TOX: variants seen among roughly 807,000 people sequenced by gnomAD.
TOX encodes thymocyte selection associated high mobility group box.
Under a neutral mutation model 53.7 loss-of-function variants are expected in TOX, and 11 were observed. The ratio of observed to expected loss-of-function variants is 0.20; its 90% CI spans 0.13 to 0.34. TOX has a LOEUF of 0.34. Among genes scored for constraint, TOX ranks in the 10% least tolerant of loss-of-function variants. The pLI, the probability that TOX is intolerant of heterozygous loss-of-function variation, is 1.00. For synonymous variants in TOX, 225 were observed against 245.3 expected, an observed-to-expected ratio of 0.92 and a Z score of 0.77; for missense variants, 570 against 664.6, an observed-to-expected ratio of 0.86 and a Z score of 1.56.
At chr8:58,940,629 G>C (rs918317664) in intron 2 of TOX, among the ~76,000 whole-genome samples, 1 of 152,164 alleles carries the variant, frequency 6.6e-6, no homozygotes, top group Non-Finnish European at 1.5e-5. Flanking sequence ...CATAGTGTTT[G>C]GGTGTATGGG....
At chr8:59,045,856 C>T (rs902509423) in intron 1 of TOX, among the ~76,000 whole-genome samples, 1 of 152,162 alleles carries the variant, frequency 6.6e-6, no homozygotes, top group Non-Finnish European at 1.5e-5. Flanking sequence ...TGGAATGAGG[C>T]CAAAATATTT....
chr8:59,002,925 T>C (rs993257230), intron 1 of TOX, among the ~76,000 whole-genome samples: 2 of 152,216 alleles, frequency 1.3e-5, no homozygotes, highest in South Asian at 2.1e-4. Context: ...AAGGGGTATA[T>C]AGATGCTTAT....
chr8:59,111,696 G>C (rs545496636), intron 1 of TOX, among the ~76,000 whole-genome samples: 1 of 152,272 alleles, frequency 6.6e-6, no homozygotes, highest in East Asian at 1.9e-4. Flanking sequence ...CCAAAAGCTA[G>C]TATCATCACT....
chr8:58,896,082 A>G (rs1811639753), intron 3 of TOX, among the ~76,000 whole-genome samples: 1 of 152,190 alleles, frequency 6.6e-6, no homozygotes, highest in African/African-American at 2.4e-5. Flanking sequence ...AGTAAGATTC[A>G]AGTGTTCACA....
chr8:58,966,681 G>A (rs182579681), intron 1 of TOX, among the ~76,000 whole-genome samples: 2 of 151,998 alleles, frequency 1.3e-5, no homozygotes, highest in South Asian at 2.1e-4. Flanking sequence ...TGTGAAAACT[G>A]AAATTTTCAA....
At chr8:58,906,672 G>A (rs1811820233) in intron 3 of TOX, among the ~76,000 whole-genome samples, 1 of 152,128 alleles carries the variant, frequency 6.6e-6, no homozygotes, top group African/African-American at 2.4e-5. Flanking sequence ...GTCCTAAAAT[G>A]GATCTAATTA....
chr8:59,018,929 A>T (rs546287950), intron 1 of TOX, among the ~76,000 whole-genome samples: 1 of 152,302 alleles, frequency 6.6e-6, no homozygotes, highest in South Asian at 2.1e-4. Context: ...GTTGATTCTC[A>T]ATGATTTAAC....
At chr8:58,882,926 G>A (rs1811407699) in intron 3 of TOX, among the ~76,000 whole-genome samples, 1 of 152,180 alleles carries the variant, frequency 6.6e-6, no homozygotes, top group Admixed American at 6.5e-5. Context: ...ACCCTAATTG[G>A]AAATTCCACT....
At chr8:59,063,657 C>G (rs1804033184) in intron 1 of TOX, among the ~76,000 whole-genome samples, 1 of 151,996 alleles carries the variant, frequency 6.6e-6, no homozygotes, top group African/African-American at 2.4e-5. Context: ...CTCCAGACCT[C>G]GTGATCCACC....
intron 3 of TOX, among the ~76,000 whole-genome samples, chr8:58,852,335 T>C (rs561860177): frequency 6.6e-6 from 1 of 152,330 alleles, no homozygotes; most frequent in African/African-American, 2.4e-5. Context: ...AGGGTATTAC[T>C]AGCCAAAATG....
At chr8:58,838,826 C>T (rs561171327) in intron 4 of TOX, among the ~76,000 whole-genome samples, 31 of 151,532 alleles carry the variant, frequency 2.0e-4, no homozygotes, top group Middle Eastern at 3.4e-3. Flanking sequence ...CTCAGCCTCC[C>T]CGACAGCTGG....
intron 1 of TOX, among the ~76,000 whole-genome samples, chr8:59,072,250 C>A (rs953289307): frequency 6.6e-6 from 1 of 152,162 alleles, no homozygotes; most frequent in African/African-American, 2.4e-5. Flanking sequence ...TGTAAAAATA[C>A]CAGTTTAGAT....
chr8:58,998,577 A>ATAATAAATTTATG (rs1813625943), intron 1 of TOX, among the ~76,000 whole-genome samples: 1 of 70,372 alleles, frequency 1.4e-5, no homozygotes, highest in Non-Finnish European at 2.6e-5. Context: ...AAATGTATAT[A>ATAATAAATTTATG]TAATAAATTT....
intron 1 of TOX, among the ~76,000 whole-genome samples, chr8:59,030,895 T>G (rs1332320319): frequency 1.3e-5 from 2 of 152,248 alleles, no homozygotes; most frequent in African/African-American, 2.4e-5. Context: ...TGAGTCATTG[T>G]GTCAGAAACA....
intron 3 of TOX, among the ~76,000 whole-genome samples, chr8:58,890,810 A>G (rs1179165269): frequency 1.3e-5 from 2 of 152,096 alleles, no homozygotes; most frequent in African/African-American, 4.8e-5. Context: ...GGTGACATAG[A>G]TGTGTCAGTC....
intron 1 of TOX, among the ~76,000 whole-genome samples, chr8:59,029,296 GA>G (rs1428528002): frequency 7.9e-6 from 1 of 126,748 alleles, no homozygotes; most frequent in Non-Finnish European, 1.6e-5. Context: ...AACAGCTCTT[GA>G]CTGGAAAACT....
intron 3 of TOX, among the ~76,000 whole-genome samples, chr8:58,934,135 G>A (rs1812305723): frequency 1.3e-5 from 2 of 152,118 alleles, no homozygotes; most frequent in South Asian, 4.1e-4. Context: ...GAACTAATTG[G>A]CACTTATTTG....
chr8:58,841,368 C>T (rs774518070), intron 4 of TOX, among the ~76,000 whole-genome samples: 12 of 152,076 alleles, frequency 7.9e-5, no homozygotes, highest in Non-Finnish European at 1.3e-4. Context: ...GTCCCTGATA[C>T]GTAGTAAATG....
At chr8:58,986,829 CAAAGGACACATTAAGACAGAA>C (rs1417674274) in intron 1 of TOX, among the ~76,000 whole-genome samples, 2 of 151,962 alleles carry the variant, frequency 1.3e-5, no homozygotes, top group African/African-American at 4.8e-5. Flanking sequence ...AGTACAGAGA[CAAAGGACACATTAAGACAGAA>C]AAAGGGCTGA....
Sources: gnomAD v4.1 joint callset for allele counts (sites outside exome capture counted in the v4.1 genomes callset) on GRCh38, gnomAD v4.1.1 for gene constraint, MANE v1.5 for transcripts, NCBI Gene and HGNC (gene_info 2026-07-23, HGNC 2026-07-21) for gene names.